PLGRKT: variants seen among roughly 807,000 people sequenced by gnomAD.
PLGRKT encodes plasminogen receptor (KT).
Under a neutral mutation model 18.5 loss-of-function variants are expected in PLGRKT, and 22 were observed. That is an observed-to-expected ratio of 1.19 (90% CI 0.85 to 1.70). PLGRKT has a LOEUF of 1.70. PLGRKT is among the 40% of genes most tolerant of loss of function. The pLI is 0.00. For missense variants in PLGRKT, 235 were observed against 174.4 expected (o/e 1.35, Z -1.96); for synonymous variants, 72 against 52.8 (o/e 1.36, Z -1.58).
At chr9:5,373,002 C>A (rs1022818951) in intron 3 of PLGRKT, among the ~76,000 whole-genome samples, 4 of 152,166 alleles carry the variant, frequency 2.6e-5, no homozygotes, top group Admixed American at 2.0e-4. Flanking sequence ...CCAAAGTTTG[C>A]CGTCTACTTG....
At chr9:5,410,855 T>C (rs1293512140) in intron 3 of PLGRKT, among the ~76,000 whole-genome samples, 1 of 152,210 alleles carries the variant, frequency 6.6e-6, no homozygotes, top group East Asian at 1.9e-4. Context: ...CTCCATTTTT[T>C]AAAGCACAGC....
intron 3 of PLGRKT, chr9:5,392,474 A>C (rs1817968419): frequency 6.6e-6 from 1 of 152,006 alleles, no homozygotes; most frequent in East Asian, 1.9e-4. Flanking sequence ...GCTAACTCAC[A>C]TTCTCACATT....
chr9:5,374,049 T>C (rs964251758), intron 3 of PLGRKT, among the ~76,000 whole-genome samples: 2 of 152,216 alleles, frequency 1.3e-5, no homozygotes, highest in Non-Finnish European at 2.9e-5. Flanking sequence ...AGCATCACCT[T>C]CTGGGCTCTA....
chr9:5,372,992 C>G (rs1373963108), intron 3 of PLGRKT, among the ~76,000 whole-genome samples: 1 of 152,150 alleles, frequency 6.6e-6, no homozygotes, highest in African/African-American at 2.4e-5. Flanking sequence ...TGCTCCAAAG[C>G]CAAAGTTTGC....
chr9:5,377,817 T>G (rs769723463), intron 3 of PLGRKT, among the ~76,000 whole-genome samples: 1 of 152,120 alleles, frequency 6.6e-6, no homozygotes, highest in Non-Finnish European at 1.5e-5. Flanking sequence ...GGCAAATCTC[T>G]TGGGGGAAGC....
intron 3 of PLGRKT, among the ~76,000 whole-genome samples, chr9:5,397,908 C>T (rs1818083871): frequency 6.6e-6 from 1 of 151,854 alleles, no homozygotes; most frequent in African/African-American, 2.4e-5. Context: ...CTTTCTTCTC[C>T]TCCTTATTTC....
chr9:5,358,250 T>A lies in PLGRKT; in HGVS notation c.433A>T (p.Ile145Leu). 6.2e-7 allele frequency: 1 copy of A among 1,609,448 alleles called. No homozygotes were observed. Among genetic ancestry groups the A allele is most frequent in the South Asian group, 1.1e-5 (1 of 90,892 alleles). ...KARKEQSRFF[I>L]DK ...TGGTAAGCATGATTTCATTTGTCTA[T>A]GAAGAATCTACTCTGTTCCTTTCTG... The change falls in exon 6 of 6, where the codon ATA (isoleucine) becomes TTA (leucine). Residue 145 changes from isoleucine (I) to leucine (L), a missense_variant. Transcript: ENST00000223864.
intron 3 of PLGRKT, among the ~76,000 whole-genome samples, chr9:5,414,291 C>G (rs1818418040): frequency 6.6e-6 from 1 of 152,164 alleles, no homozygotes; most frequent in African/African-American, 2.4e-5. Context: ...CTCAGCCTCC[C>G]AAGTAGCTGG....
chr9:5,401,997 C>T (rs1018626143), intron 3 of PLGRKT, among the ~76,000 whole-genome samples: 6 of 151,382 alleles, frequency 4.0e-5, no homozygotes, highest in Non-Finnish European at 8.8e-5. Flanking sequence ...AAAGTCTTAC[C>T]CAAAAATTTA....
chr9:5,399,073 C>T (rs1406454048), intron 3 of PLGRKT, among the ~76,000 whole-genome samples: 2 of 151,510 alleles, frequency 1.3e-5, no homozygotes, highest in Non-Finnish European at 2.9e-5. Flanking sequence ...CCTCCTCTCG[C>T]CTTCCCACAA....
At chr9:5,376,920 T>A (rs763442791) in intron 3 of PLGRKT, among the ~76,000 whole-genome samples, 2 of 152,204 alleles carry the variant, frequency 1.3e-5, no homozygotes, top group African/African-American at 4.8e-5. Context: ...GTTTTCAATA[T>A]ATACCTTGTT....
intron 3 of PLGRKT, 90 bp downstream of exon 3, chr9:5,431,807 G>A (rs1818831398): frequency 3.0e-6 from 2 of 664,980 alleles, no homozygotes. Context: ...TTTTATTGTT[G>A]GGAGTCAAAG....
chr9:5,394,952 C>G (rs1435013176), intron 3 of PLGRKT, among the ~76,000 whole-genome samples: 1 of 151,754 alleles, frequency 6.6e-6, no homozygotes, highest in Non-Finnish European at 1.5e-5. Context: ...GGCAGAGGGG[C>G]CCCCATTCTG....
At chr9:5,380,987 C>G (rs1371913749) in intron 3 of PLGRKT, among the ~76,000 whole-genome samples, 1 of 152,144 alleles carries the variant, frequency 6.6e-6, no homozygotes, top group Non-Finnish European at 1.5e-5. Flanking sequence ...TGGCACTTCC[C>G]CCTTTCTCTC....
At chr9:5,438,318 C>T (rs982788678), upstream of PLGRKT, among the ~76,000 whole-genome samples, 62 of 152,362 alleles carry the variant, frequency 4.1e-4, no homozygotes, top group Middle Eastern at 6.8e-3. Context: ...CCACGTCTCT[C>T]TCCCAGCCTG....
At chr9:5,420,624 C>T (rs576335985) in intron 3 of PLGRKT, among the ~76,000 whole-genome samples, 2 of 152,294 alleles carry the variant, frequency 1.3e-5, no homozygotes, top group East Asian at 1.9e-4. Flanking sequence ...AAGAAAGACA[C>T]TTCCAGGTTA....
chr9:5,359,946 T>A (rs148662129), intron 5 of PLGRKT, among the ~76,000 whole-genome samples: 92 of 152,348 alleles, frequency 6.0e-4, no homozygotes, highest in Non-Finnish European at 1.0e-3. Context: ...TACATAAAAT[T>A]CCACATACTA....
At chr9:5,413,040 C>G (rs1029683954) in intron 3 of PLGRKT, among the ~76,000 whole-genome samples, 1 of 152,064 alleles carries the variant, frequency 6.6e-6, no homozygotes, top group African/African-American at 2.4e-5. Context: ...ACTGAGATAC[C>G]ACTTCTTGCT....
intron 3 of PLGRKT, chr9:5,419,003 G>C: frequency 1.7e-6 from 1 of 575,422 alleles, no homozygotes; most frequent in Non-Finnish European, 3.0e-6. Flanking sequence ...GAAGGGCAAG[G>C]CCAAGGGGAA....
Sources: allele counts gnomAD v4.1 joint callset (sites outside exome capture counted in the v4.1 genomes callset), GRCh38; gene constraint gnomAD v4.1.1; transcripts MANE v1.5; gene names NCBI Gene and HGNC (gene_info 2026-07-23, HGNC 2026-07-21).